The following CAPZA1 variants were observed in gnomAD, a reference collection of about 807,000 sequenced individuals.
CAPZA1 encodes capping actin protein of muscle Z-line subunit alpha 1.
Under a neutral mutation model 40.8 loss-of-function variants are expected in CAPZA1, and 10 were observed. That is an observed-to-expected ratio of 0.25 (90% CI 0.15 to 0.42). The LOEUF is 0.42. CAPZA1 is among the 10% of genes least tolerant of loss of function. The pLI, the probability that CAPZA1 is intolerant of heterozygous loss-of-function variation, is 1.00. For missense variants in CAPZA1, 277 were observed against 353.8 expected, an observed-to-expected ratio of 0.78 and a Z score of 1.74; for synonymous variants, 98 against 115.0, an observed-to-expected ratio of 0.85 and a Z score of 0.95.
At chr1:112,628,224 C>T (rs1288580216) in intron 1 of CAPZA1, among the ~76,000 whole-genome samples, 1 of 152,068 alleles carries the variant, frequency 6.6e-6, no homozygotes, top group East Asian at 1.9e-4. Flanking sequence ...TTTTTTGGAA[C>T]CAGTTGTCAG....
intron 1 of CAPZA1, among the ~76,000 whole-genome samples, chr1:112,625,075 C>T (rs538488026): frequency 6.6e-6 from 1 of 152,278 alleles, no homozygotes; most frequent in Non-Finnish European, 1.5e-5. Context: ...CCTTCATCTC[C>T]TGTAAAACAC....
At chr1:112,645,190 A>G (rs1671257142) in intron 1 of CAPZA1, among the ~76,000 whole-genome samples, 1 of 152,234 alleles carries the variant, frequency 6.6e-6, no homozygotes, top group Non-Finnish European at 1.5e-5. Context: ...CACTAGAGGC[A>G]AGCTACCAGC....
At chr1:112,635,181 C>T (rs569527991) in intron 1 of CAPZA1, among the ~76,000 whole-genome samples, 12 of 152,146 alleles carry the variant, frequency 7.9e-5, no homozygotes, top group African/African-American at 2.6e-4. Context: ...ACACTTTTTA[C>T]GGTTGGGTTG....
rs139637062 is a variant in CAPZA1, at chr1:112,629,063, TAC to T, written c.39+9182_39+9183del. On this transcript the variant is annotated intron_variant, in intron 1 of 9. Transcript: ENST00000263168. ...GTGATCTGGTTAAAATGTAGGTCAG[TAC>T]ATGTCACTTTTCTGCTCAAAGCCCT... is the stretch of plus-strand genomic sequence containing the variant. Among the ~76,000 whole-genome samples, 465 of 152,354 alleles carry T rather than the reference TAC, an allele frequency of 3.1e-3. 4 individuals carry two copies. The highest frequency in any genetic ancestry group is 0.011 in the African/African-American group (438 of 41,590).
At chr1:112,661,602 G>A (rs533129369) in intron 7 of CAPZA1, among the ~76,000 whole-genome samples, 24 of 152,280 alleles carry the variant, frequency 1.6e-4, no homozygotes, top group Non-Finnish European at 2.9e-4. Flanking sequence ...GTAGCCTAGC[G>A]CTCTAGATCT....
chr1:112,640,751 A>G (rs1416306342), intron 1 of CAPZA1, among the ~76,000 whole-genome samples: 1 of 152,268 alleles, frequency 6.6e-6, no homozygotes, highest in Admixed American at 6.5e-5. Context: ...ACGGGCCAGG[A>G]TGACAATGGC....
At chr1:112,634,308 T>TA (rs1670976984) in intron 1 of CAPZA1, among the ~76,000 whole-genome samples, 1 of 152,216 alleles carries the variant, frequency 6.6e-6, no homozygotes, top group African/African-American at 2.4e-5. Flanking sequence ...CTATTATACT[T>TA]TCTTTAAGTA....
chr1:112,622,280 T>A (rs542916367), intron 1 of CAPZA1, among the ~76,000 whole-genome samples: 5 of 152,334 alleles, frequency 3.3e-5, no homozygotes, highest in South Asian at 2.1e-4. Flanking sequence ...GAAGTTTTTT[T>A]AATCACTTTA....
In CAPZA1 at chr1:112,670,334, T is replaced by C; in HGVS notation, c.*202T>C. ...TCTCTGCCTTGTAATTTTCTGTTAC[T>C]GCTATATCTACGTGTAAATCTTTTT... On this transcript the variant is annotated 3_prime_UTR_variant, in exon 10 of 10. Coordinates refer to ENST00000263168, the MANE Select transcript of CAPZA1 (RefSeq NM_006135.3). The C allele has an allele frequency of 2.0e-6, 1 of 500,216 alleles. No individual in the cohort carries two copies. Among genetic ancestry groups the C allele is most frequent in the Non-Finnish European group, 3.5e-6 (1 of 282,514 alleles). The allele number at this position is 500,216 out of a possible 1,614,324, so 31.0% of individuals were successfully genotyped here.
At chr1:112,637,369 A>G (rs1201615589) in intron 1 of CAPZA1, among the ~76,000 whole-genome samples, 1 of 152,238 alleles carries the variant, frequency 6.6e-6, no homozygotes, top group East Asian at 1.9e-4. Context: ...AAACATAACA[A>G]GTTCTTTTGT....
intron 2 of CAPZA1, 82 bp from the exon 3 acceptor site, chr1:112,649,336 C>G: frequency 1.0e-6 from 1 of 983,378 alleles, no homozygotes; most frequent in Admixed American, 1.9e-5. Flanking sequence ...CAAAGCCTGA[C>G]ATTTAAAAAT....
At position 112,649,795 on chromosome 1, in the gene CAPZA1, G is replaced by A. The variant is rs972446180; in HGVS notation, c.155+326G>A. The A allele has an allele frequency of 2.9e-5, 9 of 312,282 alleles. No individual in the cohort carries two copies. In the Admixed American group the frequency reaches 3.6e-4, roughly 13 times the overall value. 19.3% of individuals were successfully genotyped at this position (312,282 alleles called of 1,614,324 possible). A position where few individuals can be genotyped will look rare whatever the true frequency, so the allele number is the denominator to read the frequency against. On this transcript the variant is annotated intron_variant, in intron 3 of 9. Transcript: ENST00000263168. ...TTTTTTAAACAGCTAGCTATACATA[G>A]GAATGATCTGCCAGTGAGGAATGAT...
chr1:112,664,528 G>A (rs554730109), intron 7 of CAPZA1, among the ~76,000 whole-genome samples: 6 of 152,324 alleles, frequency 3.9e-5, no homozygotes, highest in African/African-American at 7.2e-5. Context: ...CTCTTACTAG[G>A]TGTGTGAACA....
chr1:112,636,409 C>T (rs1156524354), intron 1 of CAPZA1, among the ~76,000 whole-genome samples: 1 of 152,008 alleles, frequency 6.6e-6, no homozygotes, highest in East Asian at 1.9e-4. Flanking sequence ...TTTTAAATCC[C>T]CCCTTTTTAG....
intron 1 of CAPZA1, among the ~76,000 whole-genome samples, chr1:112,628,027 CTG>C (rs1443961191): frequency 6.6e-6 from 1 of 151,884 alleles, no homozygotes; most frequent in African/African-American, 2.4e-5. Context: ...AGTATTTATG[CTG>C]TGTTATTAAA....
chr1:112,668,181 G>T (rs1464883202), intron 8 of CAPZA1, among the ~76,000 whole-genome samples: 1 of 152,096 alleles, frequency 6.6e-6, no homozygotes, highest in Non-Finnish European at 1.5e-5. Flanking sequence ...AGGCTGTGGT[G>T]GGAGGATCAC....
rs776501930 is a variant in CAPZA1, at chr1:112,653,620, G to A, written c.178G>A (p.Asp60Asn). 4 of 1,595,202 alleles carry A rather than the reference G, an allele frequency of 2.5e-6. No homozygotes were observed. In the Admixed American group the frequency reaches 6.9e-5, roughly 28 times the overall value. ...CAGTGCATTTGCCCAGTATAACATGGATCAGTTCACGCCTGTGAAGATAGA... is the reference window on the plus strand; with the variant it reads ...CAGTGCATTTGCCCAGTATAACATGAATCAGTTCACGCCTGTGAAGATAGA... ...AAHAFAQYNM[D>N]QFTPVKIEGY... is the part of the protein sequence containing the mutation. Residue 60 changes from aspartate (D) to asparagine (N), a missense_variant, in exon 4 of 10, where the codon GAT becomes AAT. Coordinates refer to ENST00000263168, the MANE Select transcript of CAPZA1 (RefSeq NM_006135.3).
At chr1:112,661,513 T>C (rs971193635) in intron 7 of CAPZA1, among the ~76,000 whole-genome samples, 1 of 152,220 alleles carries the variant, frequency 6.6e-6, no homozygotes, top group Admixed American at 6.5e-5. Context: ...TTTTCTCTAA[T>C]CTTTGTCTTG....
At chr1:112,620,762 G>C (rs774026901) in intron 1 of CAPZA1, 9 of 152,172 alleles carry the variant, frequency 5.9e-5, no homozygotes, top group Non-Finnish European at 4.4e-5. Context: ...TCTTGAAAAG[G>C]GTCTTAAATA....
Sources: gnomAD v4.1 joint callset for allele counts (sites outside exome capture counted in the v4.1 genomes callset) on GRCh38, gnomAD v4.1.1 for gene constraint, MANE v1.5 for transcripts, NCBI Gene and HGNC (gene_info 2026-07-23, HGNC 2026-07-21) for gene names.